The following CAMK4 variants were observed in gnomAD, a reference collection of about 807,000 sequenced individuals.
CAMK4 encodes the protein calcium/calmodulin-dependent protein kinase type IV.
A neutral mutation model predicts 44.9 loss-of-function variants in CAMK4; 22 were observed. The ratio of observed to expected loss-of-function variants is 0.49; its 90% CI spans 0.35 to 0.70. The LOEUF is 0.70. Ranked by LOEUF, CAMK4 falls within the 30% of genes least tolerant of loss-of-function variation. CAMK4 has a pLI of 0.01. For synonymous variants in CAMK4, 218 were observed against 215.4 expected, an observed-to-expected ratio of 1.01 and a Z score of -0.11; for missense variants, 498 against 586.8, an observed-to-expected ratio of 0.85 and a Z score of 1.56.
chr5:111,354,965 A>C (rs1750273565), intron 2 of CAMK4, among the ~76,000 whole-genome samples: 1 of 152,134 alleles, frequency 6.6e-6, no homozygotes, highest in Non-Finnish European at 1.5e-5. Flanking sequence ...TGTACATAAG[A>C]GGGATGGATG....
chr5:111,297,167 T>A (rs1004846670), intron 1 of CAMK4, among the ~76,000 whole-genome samples: 2 of 152,190 alleles, frequency 1.3e-5, no homozygotes, highest in Non-Finnish European at 2.9e-5. Flanking sequence ...TTGGTTAGAA[T>A]CACATTGCAA....
intron 1 of CAMK4, among the ~76,000 whole-genome samples, chr5:111,228,226 C>G (rs562096165): frequency 6.6e-6 from 1 of 152,152 alleles, no homozygotes; most frequent in Non-Finnish European, 1.5e-5. Flanking sequence ...ATAATTAGAA[C>G]AAGAGAAGAA....
rs1008535164 is a variant in CAMK4 at position 111,341,676 on chromosome 5, A to C, written c.162-2348A>C. Among the ~76,000 whole-genome samples the C allele has an allele frequency of 1.5e-4, 23 of 151,338 alleles. No individual in the cohort carries two copies. In the Admixed American group the frequency reaches 1.5e-3, roughly 10 times the overall value. On this transcript the variant is annotated intron_variant, in intron 1 of 10. Transcript: ENST00000282356. ...ACAATTACAGTAAATGCTTACATAGACCTTACTGTGCCAAGTATCACTCTA... is the reference window on the plus strand; with the variant it reads ...ACAATTACAGTAAATGCTTACATAGCCCTTACTGTGCCAAGTATCACTCTA...
intron 1 of CAMK4, among the ~76,000 whole-genome samples, chr5:111,319,012 A>G (rs1376427767): frequency 6.6e-6 from 1 of 152,030 alleles, no homozygotes; most frequent in African/African-American, 2.4e-5. Context: ...GTTATGATAG[A>G]GCTGGTAAGG....
chr5:111,494,048 A>T lies in CAMK4; in HGVS notation c.*9582A>T, dbSNP rs1322797405. 3 of 152,178 alleles carry T rather than the reference A, an allele frequency of 2.0e-5. No homozygotes were observed. The highest frequency in any genetic ancestry group is 4.4e-5 in the Non-Finnish European group (3 of 68,020). The allele number at this position is 152,178 out of a possible 1,614,324, so 9.4% of individuals were successfully genotyped here. A position where few individuals can be genotyped will look rare whatever the true frequency, so the allele number is the denominator to read the frequency against. ...TTTTCTAGTCTTTCCTAAAGGAGAA[A>T]TTTTTATTCCTGGGTTGCTGAAAGC... On this transcript the variant is annotated 3_prime_UTR_variant, in exon 11 of 11. Transcript: ENST00000282356.
In CAMK4 at chr5:111,482,850, G is replaced by T; in HGVS notation, c.894G>T (p.Pro298=). 1.2e-6 allele frequency: 2 copies of T among 1,612,896 alleles called. No homozygotes were observed. Among genetic ancestry groups the T allele is most frequent in the Middle Eastern group, 1.7e-4 (1 of 6,056 alleles). The change falls in exon 10 of 11, where the codon CCG becomes CCT. Residue 298 remains proline, a synonymous_variant. Transcript: ENST00000282356. The surrounding 1 kb of genome is among the most constrained non-coding windows in gnomAD (Gnocchi z 4.9). ...RLTTFQALQH[P]WVTGKAANFV... ...CTACATTTCAAGCTCTCCAGCATCCGTGGGTCACAGGTAAAGCAGCCAATT... is the reference window on the plus strand; with the variant it reads ...CTACATTTCAAGCTCTCCAGCATCCTTGGGTCACAGGTAAAGCAGCCAATT...
intron 5 of CAMK4, among the ~76,000 whole-genome samples, chr5:111,427,404 A>T (rs915670064): frequency 2.0e-5 from 3 of 152,322 alleles, no homozygotes; most frequent in Admixed American, 2.0e-4. Flanking sequence ...CTGGCTTCAG[A>T]TACCACCACC....
intron 5 of CAMK4, 50 bp from the exon 6 acceptor site, chr5:111,446,636 A>C (rs770541384): frequency 9.6e-6 from 9 of 933,578 alleles, no homozygotes; most frequent in Admixed American, 8.8e-5. Flanking sequence ...TAGACATTCG[A>C]ACCATAAATA....
At chr5:111,373,509 G>C (rs1751091486) in intron 2 of CAMK4, among the ~76,000 whole-genome samples, 1 of 152,096 alleles carries the variant, frequency 6.6e-6, no homozygotes, top group South Asian at 2.1e-4. Context: ...TTTAAAGATT[G>C]CATCCTTTTT....
chr5:111,432,554 C>T lies in CAMK4; in HGVS notation c.460-14132C>T, dbSNP rs904349802. On this transcript the variant is annotated intron_variant, in intron 5 of 10. Coordinates refer to ENST00000282356, the MANE Select transcript of CAMK4 (RefSeq NM_001744.6). ...TGAGGGGATAGATACCCCCATTCTC[C>T]ATGGTGTATTTACTTCACATTGCAT... is the stretch of plus-strand genomic sequence containing the variant. Among the ~76,000 whole-genome samples, 18 of 150,736 alleles carry T rather than the reference C, an allele frequency of 1.2e-4. 1 individual carries two copies. Among genetic ancestry groups the T allele is most frequent in the Admixed American group, 5.3e-4 (8 of 15,114 alleles).
Position 111,486,597 on chromosome 5 carries a change from G to C in CAMK4, c.*2131G>C, listed in dbSNP as rs140451711. The C allele has an allele frequency of 1.3e-5, 2 of 152,162 alleles. No individual in the cohort carries two copies. The highest frequency in any genetic ancestry group is 2.9e-5 in the Non-Finnish European group (2 of 68,410). 9.4% of individuals were successfully genotyped at this position (152,162 alleles called of 1,614,324 possible). ...GTCTTTTTAGAAAGTGGCACTTGGC[G>C]CTTAGCTGAAAGATCAGAACACATC... On this transcript the variant is annotated 3_prime_UTR_variant, in exon 11 of 11. Transcript: ENST00000282356.
chr5:111,484,502 A>G lies in CAMK4; in HGVS notation c.*36A>G, dbSNP rs934649345. 2.9e-6 allele frequency: 4 copies of G among 1,382,598 alleles called. No individual in the cohort carries two copies. In the African/African-American group the frequency reaches 5.8e-5, roughly 20 times the overall value. 85.6% of individuals were successfully genotyped at this position (1,382,598 alleles called of 1,614,324 possible). Reference sequence around the variant, plus strand: ...TCAGATCTGGAAGCCAAACACCGGCATTTTATGTACTTTGTCCTTCAGCAA... The same window carrying G: ...TCAGATCTGGAAGCCAAACACCGGCGTTTTATGTACTTTGTCCTTCAGCAA... On this transcript the variant is annotated 3_prime_UTR_variant, in exon 11 of 11. Coordinates refer to ENST00000282356, the MANE Select transcript of CAMK4 (RefSeq NM_001744.6). The surrounding 1 kb of genome is among the most constrained non-coding windows in gnomAD (Gnocchi z 5.3).
At chr5:111,411,388 T>C (rs972052446) in intron 5 of CAMK4, among the ~76,000 whole-genome samples, 2 of 152,232 alleles carry the variant, frequency 1.3e-5, no homozygotes, top group Admixed American at 6.5e-5. Flanking sequence ...TAGGTTGGGC[T>C]AAAGGCAGCA....
rs538697152 is a variant in CAMK4, at chr5:111,352,723, C to T, written c.240+8621C>T. Among the ~76,000 whole-genome samples the T allele has an allele frequency of 2.0e-5, 3 of 151,440 alleles. No individual in the cohort carries two copies. In the South Asian group the frequency reaches 6.3e-4, roughly 32 times the overall value. ...AGAGAGAAAGAAAGAGGGTACCAAACTCATGCTTTTATAAGGGAACTACTC... is the reference window on the plus strand; with the variant it reads ...AGAGAGAAAGAAAGAGGGTACCAAATTCATGCTTTTATAAGGGAACTACTC... On this transcript the variant is annotated intron_variant, in intron 2 of 10. Coordinates refer to ENST00000282356, the MANE Select transcript of CAMK4 (RefSeq NM_001744.6).
chr5:111,272,947 A>T (rs1750578984), intron 1 of CAMK4, among the ~76,000 whole-genome samples: 2 of 152,162 alleles, frequency 1.3e-5, no homozygotes, highest in Admixed American at 6.5e-5. Flanking sequence ...CTTCAACTTA[A>T]TTATCAGTAT....
intron 1 of CAMK4, among the ~76,000 whole-genome samples, chr5:111,327,656 C>T (rs987599925): frequency 2.0e-5 from 3 of 151,706 alleles, no homozygotes; most frequent in African/African-American, 7.3e-5. Flanking sequence ...TTCTCCACAT[C>T]CTCTCCAGCA....
At chr5:111,397,347 A>G (rs1295845028) in intron 5 of CAMK4, among the ~76,000 whole-genome samples, 2 of 152,246 alleles carry the variant, frequency 1.3e-5, no homozygotes, top group African/African-American at 4.8e-5. Context: ...TTCATAAAAT[A>G]GGGAAAAGAG....
At position 111,319,140 on chromosome 5, in the gene CAMK4, C is replaced by T. The variant is rs694849; in HGVS notation, c.162-24884C>T. Among the ~76,000 whole-genome samples, 1,290 of 152,252 alleles carry T rather than the reference C, an allele frequency of 8.5e-3. 16 individuals carry two copies. The highest frequency in any genetic ancestry group is 0.03 in the African/African-American group (1,242 of 41,552). The stretch of plus-strand genomic sequence containing the variant: ...GTCACACTGGAGAGACACATGCACA[C>T]AATTAACTACAATTCAAGGCAGTGT... On this transcript the variant is annotated intron_variant, in intron 1 of 10. Transcript: ENST00000282356.
At chr5:111,334,936 A>G (rs375311459) in intron 1 of CAMK4, among the ~76,000 whole-genome samples, 6 of 151,534 alleles carry the variant, frequency 4.0e-5, no homozygotes, top group African/African-American at 1.2e-4. Context: ...TCATCTCAAG[A>G]TACCTCCCAT....
Sources: gnomAD v4.1 joint callset for allele counts (sites outside exome capture counted in the v4.1 genomes callset) on GRCh38, gnomAD v4.1.1 for gene constraint, Gnocchi (gnomAD v3.1) non-coding constraint, MANE v1.5 for transcripts, NCBI Gene and HGNC (gene_info 2026-07-23, HGNC 2026-07-21) for gene names.